The following CDH13 variants were observed in gnomAD, a reference collection of about 807,000 sequenced individuals.
The protein encoded by CDH13 is cadherin-13.
Under a neutral mutation model 63.8 loss-of-function variants are expected in CDH13, and 24 were observed. That is an observed-to-expected ratio of 0.38 (90% CI 0.27 to 0.53). The LOEUF is 0.53. CDH13 is among the 20% of genes least tolerant of loss of function. CDH13 has a pLI of 0.85. For missense variants in CDH13, 1,049 were observed against 903.1 expected, an observed-to-expected ratio of 1.16 and a Z score of -2.07; for synonymous variants, 503 against 355.3, an observed-to-expected ratio of 1.42 and a Z score of -4.67.
At chr16:83,744,945 G>C (rs1242579924) in intron 10 of CDH13, among the ~76,000 whole-genome samples, 2 of 152,186 alleles carry the variant, frequency 1.3e-5, no homozygotes, top group East Asian at 3.8e-4. Flanking sequence ...AGCAGGCCTT[G>C]GCACCAGAGA....
intron 1 of CDH13, among the ~76,000 whole-genome samples, chr16:82,832,715 G>A (rs1480463172): frequency 6.9e-6 from 1 of 145,410 alleles, no homozygotes; most frequent in African/African-American, 2.6e-5. Context: ...CCATGTTACA[G>A]TAAGCTTTTG....
At chr16:83,161,663 G>T (rs971115228) in intron 4 of CDH13, among the ~76,000 whole-genome samples, 11 of 151,948 alleles carry the variant, frequency 7.2e-5, no homozygotes, top group African/African-American at 2.4e-4. Context: ...GCATGGATTT[G>T]CATATTTATA....
At chr16:83,008,698 C>T (rs551117408) in intron 2 of CDH13, among the ~76,000 whole-genome samples, 2 of 152,288 alleles carry the variant, frequency 1.3e-5, no homozygotes, top group East Asian at 3.9e-4. Context: ...ACCACCGTAA[C>T]CCAGGCAGAA....
At chr16:82,866,689 A>G (rs2040159160) in intron 2 of CDH13, among the ~76,000 whole-genome samples, 1 of 152,158 alleles carries the variant, frequency 6.6e-6, no homozygotes, top group African/African-American at 2.4e-5. Flanking sequence ...CAATTGACTC[A>G]CAGTTCAGCA....
intron 5 of CDH13, among the ~76,000 whole-genome samples, chr16:83,247,124 A>G (rs1177827938): frequency 6.6e-6 from 1 of 152,212 alleles, no homozygotes; most frequent in Non-Finnish European, 1.5e-5. Flanking sequence ...ATTGGAGATC[A>G]TTGGTACCTG....
intron 7 of CDH13, among the ~76,000 whole-genome samples, chr16:83,588,560 G>A (rs1162056610): frequency 6.6e-6 from 1 of 152,182 alleles, no homozygotes; most frequent in Non-Finnish European, 1.5e-5. Context: ...GCTATGGCAG[G>A]AATAAGTTAA....
intron 7 of CDH13, among the ~76,000 whole-genome samples, chr16:83,600,152 G>A (rs1907646411): frequency 6.6e-6 from 1 of 152,194 alleles, no homozygotes; most frequent in Non-Finnish European, 1.5e-5. Context: ...AACCAGGGCA[G>A]ATGGCATCTC....
chr16:83,388,629 T>A (rs1049425459), intron 6 of CDH13, among the ~76,000 whole-genome samples: 2 of 152,196 alleles, frequency 1.3e-5, no homozygotes, highest in African/African-American at 4.8e-5. Context: ...TTTACCAATC[T>A]CTGCATGGCC....
intron 6 of CDH13, among the ~76,000 whole-genome samples, chr16:83,361,859 T>G (rs1373206050): frequency 1.3e-5 from 2 of 152,206 alleles, no homozygotes; most frequent in African/African-American, 2.4e-5. Flanking sequence ...TCAGGTAATG[T>G]GATGCCTCTG....
intron 6 of CDH13, among the ~76,000 whole-genome samples, chr16:83,399,095 A>AT (rs1251836185): frequency 3.3e-5 from 5 of 152,170 alleles, no homozygotes; most frequent in African/African-American, 7.2e-5. Context: ...ATAAATTGTG[A>AT]TTTTTCATTG....
chr16:83,607,688 T>C (rs1908471656), intron 8 of CDH13, among the ~76,000 whole-genome samples: 1 of 152,236 alleles, frequency 6.6e-6, no homozygotes, highest in Non-Finnish European at 1.5e-5. Flanking sequence ...CATGCAAATT[T>C]AGGTTGGAAA....
intron 10 of CDH13, among the ~76,000 whole-genome samples, chr16:83,691,299 C>T (rs886205318): frequency 1.3e-4 from 20 of 152,192 alleles, no homozygotes; most frequent in African/African-American, 4.6e-4. Context: ...ACAAAGGGAG[C>T]ACATGAGCTG....
intron 7 of CDH13, among the ~76,000 whole-genome samples, chr16:83,575,196 G>A (rs1189660542): frequency 1.3e-5 from 2 of 152,116 alleles, no homozygotes; most frequent in Admixed American, 6.5e-5. Context: ...TTTTCTTTGG[G>A]GTGATGAAAA....
At chr16:83,087,401 G>A (rs1298946488) in intron 3 of CDH13, among the ~76,000 whole-genome samples, 1 of 152,060 alleles carries the variant, frequency 6.6e-6, no homozygotes, top group Non-Finnish European at 1.5e-5. Flanking sequence ...TGGACACGGT[G>A]GCTCACGCCT....
At chr16:83,791,645 T>C (rs1916272498) in intron 13 of CDH13, among the ~76,000 whole-genome samples, 1 of 151,818 alleles carries the variant, frequency 6.6e-6, no homozygotes, top group African/African-American at 2.4e-5. Flanking sequence ...ACCCCATCTC[T>C]ACTAAAAATA....
chr16:82,864,622 G>A (rs986651440), intron 2 of CDH13, among the ~76,000 whole-genome samples: 5 of 152,032 alleles, frequency 3.3e-5, no homozygotes, highest in African/African-American at 1.2e-4. Flanking sequence ...ACCTCCAGCT[G>A]GTCACCCCCT....
intron 6 of CDH13, among the ~76,000 whole-genome samples, chr16:83,420,114 G>C (rs916025771): frequency 6.6e-5 from 10 of 152,036 alleles, no homozygotes; most frequent in African/African-American, 2.4e-4. Context: ...ATATAAAAGA[G>C]AAATTCTCAA....
At chr16:82,686,423 T>C (rs574871976) in intron 1 of CDH13, among the ~76,000 whole-genome samples, 13 of 152,246 alleles carry the variant, frequency 8.5e-5, no homozygotes, top group African/African-American at 2.9e-4. Context: ...GCTTCCCTTG[T>C]GTGATTGGTT....
intron 2 of CDH13, among the ~76,000 whole-genome samples, chr16:82,961,849 C>T (rs1907062859): frequency 6.6e-6 from 1 of 152,144 alleles, no homozygotes; most frequent in African/African-American, 2.4e-5. Context: ...CTGCCGTTGG[C>T]TTCTAGTGGG....
Sources: gnomAD v4.1 joint callset for allele counts (sites outside exome capture counted in the v4.1 genomes callset) on GRCh38, gnomAD v4.1.1 for gene constraint, MANE v1.5 for transcripts, NCBI Gene and HGNC (gene_info 2026-07-23, HGNC 2026-07-21) for gene names.